PPP1R13L: variants seen among roughly 807,000 people sequenced by gnomAD.
PPP1R13L encodes the protein relA-associated inhibitor.
Under a neutral mutation model 80.9 loss-of-function variants are expected in PPP1R13L, and 50 were observed. The observed-to-expected ratio is 0.62, with a 90% CI of 0.49 to 0.78. The LOEUF (loss-of-function observed/expected upper bound fraction) is 0.78, where lower values mean the gene tolerates loss of function less well. Among genes scored for constraint, PPP1R13L ranks in the 30% least tolerant of loss-of-function variants. The probability of loss-of-function intolerance (pLI) is 0.00; values close to 1 mark genes in which losing one functional copy is unlikely to be tolerated. For missense variants in PPP1R13L, 1,200 were observed against 1,205.9 expected, an observed-to-expected ratio of 1.00 and a Z score of 0.07; for synonymous variants, 602 against 534.3, an observed-to-expected ratio of 1.13 and a Z score of -1.75.
rs1972985748 is a variant in PPP1R13L, at chr19:45,392,071, G to C, written c.1624C>G (p.Gln542Glu). 6.5e-7 allele frequency: 1 copy of C among 1,540,718 alleles called. No homozygotes were observed. Among genetic ancestry groups the C allele is most frequent in the Admixed American group, 2.1e-5 (1 of 48,008 alleles). Residue 542 changes from glutamine (Q) to glutamate (E), a missense_variant, in exon 8 of 13, where the codon CAG becomes GAG. Gln to Glu is a conservative substitution (Grantham distance 29). This residue lies in a region of PPP1R13L where 53 missense variants were observed against 96.5 expected (regional missense o/e 0.55). Transcript: ENST00000360957. ...AVALPPTHKK[Q>E]YQQIISRLFH... ...AGGCGGCTGATGATCTGCTGGTACT[G>C]TTTCTTGTGGGTAGGGGGCAGGGCC...
chr19:45,403,997 A>G (rs1414444463), intron 1 of PPP1R13L, among the ~76,000 whole-genome samples: 1 of 152,062 alleles, frequency 6.6e-6, no homozygotes, highest in East Asian at 1.9e-4. Flanking sequence ...TGGAGGTGAC[A>G]TTTCTCACCT....
In PPP1R13L at chr19:45,396,991, G is replaced by A. The variant is rs775602691; in HGVS notation, c.266C>T (p.Ala89Val). ...GAACGGGGTGTCTGCGCCGTCGGTG[G>A]CCGCCTTCCGGGGGGACCCTCGGCT... ...FGSRGSPRKA[A>V]TDGADTPFGR... The change falls in exon 4 of 13, where the codon GCC becomes GTC. Residue 89 changes from alanine (A) to valine (V), a missense_variant. Ala to Val is a moderately conservative substitution (Grantham distance 64, BLOSUM62 0). Coordinates refer to ENST00000360957, the MANE Select transcript of PPP1R13L (RefSeq NM_006663.4). The surrounding 1 kb of genome is among the most constrained non-coding windows in gnomAD (Gnocchi z 5.3). The A allele has an allele frequency of 2.9e-6, 4 of 1,379,594 alleles. No homozygotes were observed. Among genetic ancestry groups the A allele is most frequent in the Non-Finnish European group, 3.7e-6 (4 of 1,067,638 alleles). 85.5% of individuals were successfully genotyped at this position (1,379,594 alleles called of 1,614,324 possible).
rs769210702 is a variant in PPP1R13L, at chr19:45,385,810, G to A, written c.2081+14C>T. 62 of 1,609,578 alleles carry A rather than the reference G, an allele frequency of 3.9e-5. No homozygotes were observed. The highest frequency in any genetic ancestry group is 5.0e-5 in the Admixed American group (3 of 59,724). On this transcript the variant is annotated intron_variant, in intron 10 of 12. Coordinates refer to ENST00000360957, the MANE Select transcript of PPP1R13L (RefSeq NM_006663.4). Reference sequence around the variant, plus strand: ...CCACGGGGGACCCAGCCCACCGCGCGGGTCGGGGCTCACCAGCCGTGGCTG... The same window carrying A: ...CCACGGGGGACCCAGCCCACCGCGCAGGTCGGGGCTCACCAGCCGTGGCTG...
At chr19:45,405,545 G>A (rs949493570), upstream of PPP1R13L, among the ~76,000 whole-genome samples, 61 of 152,240 alleles carry the variant, frequency 4.0e-4, no homozygotes. Context: ...CTCGGGTCCT[G>A]TGGGAATTGT....
chr19:45,385,870 G>A lies in PPP1R13L; in HGVS notation c.2035C>T (p.Leu679Phe). 2 of 1,611,030 alleles carry A rather than the reference G, an allele frequency of 1.2e-6. No homozygotes were observed. Among genetic ancestry groups the A allele is most frequent in the South Asian group, 2.2e-5 (2 of 90,734 alleles). ...CGANYSIVDF[L>F]ITAGANVNSP... ...TTGACATTGGCACCCGCGGTGATGA[G>A]GAAATCCACGATAGAGTAGTTGGCG... The change falls in exon 10 of 13, where the codon CTC becomes TTC. Residue 679 changes from leucine (L) to phenylalanine (F), a missense_variant. Transcript: ENST00000360957.
rs960127236 is a variant in PPP1R13L, at chr19:45,380,222, G to C, written c.2455C>G (p.Pro819Ala). 1.2e-6 allele frequency: 2 copies of C among 1,613,930 alleles called. No homozygotes were observed. Among genetic ancestry groups the C allele is most frequent in the Non-Finnish European group, 1.7e-6 (2 of 1,179,982 alleles). Residue 819 changes from proline to alanine, a missense_variant, in exon 13 of 13, where the codon CCC becomes GCC. This residue lies in a region of PPP1R13L where 165 missense variants were observed against 177.1 expected (regional missense o/e 0.93). Coordinates refer to ENST00000360957, the MANE Select transcript of PPP1R13L (RefSeq NM_006663.4). ...TTACTCCTTTGAGGCTTCACCCTGGGGAACAGCTGGGGAGAGACAGGATCT... is the reference window on the plus strand; with the variant it reads ...TTACTCCTTTGAGGCTTCACCCTGGCGAACAGCTGGGGAGAGACAGGATCT... ...YVPRNYFGLF[P>A]RVKPQRSKV is the part of the protein sequence containing the mutation.
chr19:45,398,311 C>A lies in PPP1R13L; in HGVS notation c.8G>T (p.Ser3Ile). The A allele has an allele frequency of 6.2e-7, 1 of 1,613,842 alleles. No individual in the cohort carries two copies. The highest frequency in any genetic ancestry group is 8.5e-7 in the Non-Finnish European group (1 of 1,179,950). The part of the protein sequence containing the change: MD[S>I]EAFQSARDFL... ...GTCCCGCGCGCTCTGGAATGCCTCG[C>A]TGTCCATGGTGCCGGCCGGAGCGGG... Residue 3 changes from serine (S) to isoleucine (I), a missense_variant, in exon 2 of 13, where the codon AGC (serine) becomes ATC (isoleucine). By Grantham distance (142) the Ser-to-Ile change is moderately radical. Coordinates refer to ENST00000360957, the MANE Select transcript of PPP1R13L (RefSeq NM_006663.4).
rs368247443 is a variant in PPP1R13L at position 45,394,377 on chromosome 19, A to G, written c.1354+1059T>C. The stretch of plus-strand genomic sequence containing the variant: ...AGGCTGGTCTTGAACTCCAGAGCTC[A>G]AGCAATCCTGTCTGCATTAGCCCAC... On this transcript the variant is annotated intron_variant, in intron 7 of 12. Coordinates refer to ENST00000360957, the MANE Select transcript of PPP1R13L (RefSeq NM_006663.4). Among the ~76,000 whole-genome samples the G allele has an allele frequency of 1.6e-4, 24 of 152,132 alleles. 1 individual carries two copies. Among genetic ancestry groups the G allele is most frequent in the East Asian group, 1.2e-3 (6 of 5,198 alleles).
chr19:45,389,267 T>A (rs890367820), intron 8 of PPP1R13L, among the ~76,000 whole-genome samples: 2 of 152,212 alleles, frequency 1.3e-5, no homozygotes. Flanking sequence ...TCCTTGCCTT[T>A]ACTTTCAGGA....
chr19:45,398,585 C>CTTTTTTTTTTT (rs113649282), intron 1 of PPP1R13L, among the ~76,000 whole-genome samples: 2 of 136,526 alleles, frequency 1.5e-5, no homozygotes, highest in African/African-American at 5.6e-5. Context: ...TTTTTCTTTT[C>CTTTTTTTTTTT]TTTTTTTTTT....
At chr19:45,393,688 C>A (rs1329203551) in intron 7 of PPP1R13L, among the ~76,000 whole-genome samples, 1 of 152,020 alleles carries the variant, frequency 6.6e-6, no homozygotes, top group Non-Finnish European at 1.5e-5. Context: ...TCCTGGCTAA[C>A]ATGATGAAAC....
Position 45,396,228 on chromosome 19 carries a change from C to T in PPP1R13L, c.843G>A (p.Pro281=), listed in dbSNP as rs371879268. 11 of 1,610,296 alleles carry T rather than the reference C, an allele frequency of 6.8e-6. No individual in the cohort carries two copies. The highest frequency in any genetic ancestry group is 1.6e-4 in the Middle Eastern group (1 of 6,080). The change falls in exon 6 of 13, where the codon CCG becomes CCA. Residue 281 remains proline (P), a synonymous_variant. Coordinates refer to ENST00000360957, the MANE Select transcript of PPP1R13L (RefSeq NM_006663.4). This position sits in a 1 kb window ranked among gnomAD's most constrained non-coding sequence, Gnocchi z 5.3. ...CCCTCCAAGGCAACAGCTGCAGGCT[C>T]GGCGAGGCAGGCCTTGCGAAGACGT... ...RLDVFARPAS[P]SLQLLPWRES...
At chr19:45,395,185 G>T in intron 7 of PPP1R13L, 1 of 523,280 alleles carries the variant, frequency 1.9e-6, no homozygotes, top group Non-Finnish European at 3.4e-6. Flanking sequence ...GAGGCCCAGT[G>T]AGGTTAAGTG....
rs761071196 is a variant in PPP1R13L at position 45,385,743 on chromosome 19, G to A, written c.2082-15C>T. On this transcript the variant is annotated splice_polypyrimidine_tract_variant and intron_variant, in intron 10 of 12. Coordinates refer to ENST00000360957, the MANE Select transcript of PPP1R13L (RefSeq NM_006663.4). ...GCAAGGGTGTCCTAGGCGTGGGGGTGGGGGGTTGCGGGGAACGATGCGTGA... is the reference window on the plus strand; with the variant it reads ...GCAAGGGTGTCCTAGGCGTGGGGGTAGGGGGTTGCGGGGAACGATGCGTGA... 6.2e-7 allele frequency: 1 copy of A among 1,605,126 alleles called. No individual in the cohort carries two copies. Among genetic ancestry groups the A allele is most frequent in the African/African-American group, 1.3e-5 (1 of 74,604 alleles).
chr19:45,397,491 TTTC>T, intron 3 of PPP1R13L, among the ~76,000 whole-genome samples: 1 of 133,834 alleles, frequency 7.5e-6, no homozygotes, highest in African/African-American at 3.2e-5. Context: ...TCTTTCTTTC[TTTC>T]TTTCTTTCTT....
chr19:45,406,107 G>T, upstream of PPP1R13L: 1 of 182,482 alleles, frequency 5.5e-6, no homozygotes, highest in Non-Finnish European at 1.0e-5. This position sits in a 1 kb window ranked among gnomAD's most constrained non-coding sequence, Gnocchi z 4.2. Context: ...CTCCCCCTAT[G>T]TTTCCCGCTC....
At position 45,396,621 on chromosome 19, in the gene PPP1R13L, G is replaced by A. The variant is rs569438539; in HGVS notation, c.636C>T (p.Asp212=). The stretch of plus-strand genomic sequence containing the variant: ...AGCTCCCGAAGGCGGACGCTGGCGC[G>A]TCGTAGGCTGTGGCAGGGGGGCGCG... ...PSPRPPATAY[D]APASAFGSSL... Residue 212 remains aspartate (D), a synonymous_variant, in exon 4 of 13, where the codon GAC becomes GAT. Transcript: ENST00000360957. The surrounding 1 kb of genome is among the most constrained non-coding windows in gnomAD (Gnocchi z 5.3). The A allele has an allele frequency of 1.5e-5, 22 of 1,486,406 alleles. No individual in the cohort carries two copies. The highest frequency in any genetic ancestry group is 2.4e-5 in the East Asian group (1 of 42,302). The allele number at this position is 1,486,406 out of a possible 1,614,324, so 92.1% of individuals were successfully genotyped here.
intron 1 of PPP1R13L, among the ~76,000 whole-genome samples, chr19:45,399,326 G>A (rs1973181726): frequency 6.8e-6 from 1 of 147,574 alleles, no homozygotes; most frequent in Admixed American, 6.8e-5. Context: ...TGTAGTAAAT[G>A]TAGTAAAAAC....
chr19:45,392,327 G>A lies in PPP1R13L; in HGVS notation c.1368C>T (p.Pro456=), dbSNP rs756984268. The change falls in exon 8 of 13, where the codon CCC becomes CCT. Residue 456 remains proline (P), a synonymous_variant. Transcript: ENST00000360957. The stretch of plus-strand genomic sequence containing the variant: ...CCGGCTCAGGCTCCAGCTCGGTGGG[G>A]GGTTTGGGGGGTCCTAGCCGGAACA... ...WPPVNEGPPK[P]PTELEPEPEI... is the part of the protein sequence containing the mutation. 8 of 1,613,346 alleles carry A rather than the reference G, an allele frequency of 5.0e-6. No homozygotes were observed. The highest frequency in any genetic ancestry group is 5.9e-6 in the Non-Finnish European group (7 of 1,180,016).
Sources: allele counts gnomAD v4.1 joint callset (sites outside exome capture counted in the v4.1 genomes callset), GRCh38; gene constraint gnomAD v4.1.1; regional missense constraint gnomAD v4.1.1; non-coding constraint Gnocchi (gnomAD v3.1); transcripts MANE v1.5; gene names NCBI Gene and HGNC (gene_info 2026-07-23, HGNC 2026-07-21).